The following STAT4 variants were observed in gnomAD, a reference collection of about 807,000 sequenced individuals.
STAT4 encodes the protein signal transducer and activator of transcription 4.
STAT4 carries 42 observed loss-of-function variants against 110.5 expected under a neutral mutation model. That is an observed-to-expected ratio of 0.38 (90% CI 0.30 to 0.49). STAT4 has a LOEUF of 0.49. Among genes scored for constraint, STAT4 ranks in the 20% least tolerant of loss-of-function variants. The probability of loss-of-function intolerance (pLI) is 0.95; values close to 1 mark genes in which losing one functional copy is unlikely to be tolerated. For missense variants in STAT4, 632 were observed against 887.9 expected (o/e 0.71, Z 3.66); for synonymous variants, 284 against 302.2 (o/e 0.94, Z 0.63).
At chr2:191,097,425 T>C (rs1698022775) in intron 3 of STAT4, among the ~76,000 whole-genome samples, 1 of 152,042 alleles carries the variant, frequency 6.6e-6, no homozygotes, top group Non-Finnish European at 1.5e-5. Context: ...AACAGAGATA[T>C]AGACCAATGG....
At position 191,142,723 on chromosome 2, in the gene STAT4, T is replaced by C. The variant is rs1699368270; in HGVS notation, c.273+3890A>G. On this transcript the variant is annotated intron_variant, in intron 3 of 23. Coordinates refer to ENST00000392320, the MANE Select transcript of STAT4 (RefSeq NM_003151.4). This position sits in a 1 kb window ranked among gnomAD's most constrained non-coding sequence, Gnocchi z 4.1. ...TAAAATATTTCATGTACCCCATAAA[T>C]ATGTAAAGTATTGTATATCAATAAA... is the stretch of plus-strand genomic sequence containing the variant. Among the ~76,000 whole-genome samples the C allele has an allele frequency of 6.6e-6, 1 of 152,120 alleles. No individual in the cohort carries two copies. Among genetic ancestry groups the C allele is most frequent in the Non-Finnish European group, 1.5e-5 (1 of 68,012 alleles).
At position 191,035,473 on chromosome 2, in the gene STAT4, G is replaced by C. The variant is rs535468473; in HGVS notation, c.1570+691C>G. On this transcript the variant is annotated intron_variant, in intron 17 of 23. Transcript: ENST00000392320. The surrounding 1 kb of genome is among the most constrained non-coding windows in gnomAD (Gnocchi z 4.7). ...CTTTGGCCCTAATTTAACTAGAAAC[G>C]CATATAGATCTAATTTTAACTCTTT... Among the ~76,000 whole-genome samples, 1 of 152,138 alleles carries C rather than the reference G, an allele frequency of 6.6e-6. No homozygotes were observed. Among genetic ancestry groups the C allele is most frequent in the Non-Finnish European group, 1.5e-5 (1 of 68,032 alleles).
intron 17 of STAT4, among the ~76,000 whole-genome samples, 193 bp from the exon 18 acceptor site, chr2:191,034,790 A>G (rs1193292167): frequency 6.6e-6 from 1 of 152,240 alleles, no homozygotes; most frequent in Non-Finnish European, 1.5e-5. Context: ...TATTATCTAG[A>G]AAATAAGCTT....
At chr2:191,063,123 AAATGTTTTC>A (rs1240276780) in intron 8 of STAT4, among the ~76,000 whole-genome samples, 8 of 152,242 alleles carry the variant, frequency 5.3e-5, no homozygotes, top group African/African-American at 1.9e-4. Flanking sequence ...TGCATATGTT[AAATGTTTTC>A]AATGTTTTCT....
Position 191,066,473 on chromosome 2 carries a change from A to G in STAT4, c.587T>C (p.Leu196Ser), listed in dbSNP as rs1315817328. ...KNSAMVNQEV[L>S]TLQEMLNSLD... is the part of the protein sequence containing the mutation. ...GCTGTTAAGCATTTCCTGCAGTGTC[A>G]AAACTTCCTGATTCACCATGGCACT... Residue 196 changes from leucine (L) to serine (S), a missense_variant, in exon 7 of 24, where the codon TTG becomes TCG. Leu to Ser is a moderately radical substitution (Grantham distance 145). Coordinates refer to ENST00000392320, the MANE Select transcript of STAT4 (RefSeq NM_003151.4). The surrounding 1 kb of genome is among the most constrained non-coding windows in gnomAD (Gnocchi z 4.3). 1.2e-6 allele frequency: 2 copies of G among 1,613,516 alleles called. No homozygotes were observed. The highest frequency in any genetic ancestry group is 1.1e-5 in the South Asian group (1 of 91,072).
chr2:191,149,508 T>A (rs547170129), intron 1 of STAT4, among the ~76,000 whole-genome samples: 1 of 152,234 alleles, frequency 6.6e-6, no homozygotes, highest in Non-Finnish European at 1.5e-5. Flanking sequence ...AAATGAAGAA[T>A]GAGTGGCACT....
chr2:191,099,368 T>A lies in STAT4; in HGVS notation c.274-23043A>T, dbSNP rs1183128451. On this transcript the variant is annotated intron_variant, in intron 3 of 23. Transcript: ENST00000392320. The surrounding 1 kb of genome is among the most constrained non-coding windows in gnomAD (Gnocchi z 4.1). ...AGTCCATATCTAGGAATCCATCCAA[T>A]AAAAATAAAAGCACTGGCCCATAAT... Among the ~76,000 whole-genome samples, 1 of 152,050 alleles carries A rather than the reference T, an allele frequency of 6.6e-6. No homozygotes were observed. Among genetic ancestry groups the A allele is most frequent in the Non-Finnish European group, 1.5e-5 (1 of 67,972 alleles).
chr2:191,112,896 T>C lies in STAT4; in HGVS notation c.273+33717A>G, dbSNP rs1698462645. On this transcript the variant is annotated intron_variant, in intron 3 of 23. Transcript: ENST00000392320. This position sits in a 1 kb window ranked among gnomAD's most constrained non-coding sequence, Gnocchi z 4.3. Reference sequence around the variant, plus strand: ...ATTAAACATACAACGTTCAGTCCTATAATAGAGCAAATATATTAAGAAAAA... The same window carrying C: ...ATTAAACATACAACGTTCAGTCCTACAATAGAGCAAATATATTAAGAAAAA... Among the ~76,000 whole-genome samples, 1 of 152,242 alleles carries C rather than the reference T, an allele frequency of 6.6e-6. No homozygotes were observed. The highest frequency in any genetic ancestry group is 1.5e-5 in the Non-Finnish European group (1 of 68,046).
intron 16 of STAT4, among the ~76,000 whole-genome samples, chr2:191,038,032 G>A (rs3821236): frequency 0.25 from 37,789 of 152,056 alleles, 5,224 homozygotes; most frequent in East Asian, 0.44. Flanking sequence ...GACGACTTTG[G>A]TGCCTTTCTT....
At chr2:191,072,083 A>G (rs1697175981) in intron 5 of STAT4, among the ~76,000 whole-genome samples, 1 of 152,096 alleles carries the variant, frequency 6.6e-6, no homozygotes, top group African/African-American at 2.4e-5. Context: ...TACTCAAAAC[A>G]GTTGGGGATC....
At chr2:191,120,545 G>A (rs1233849042) in intron 3 of STAT4, among the ~76,000 whole-genome samples, 1 of 152,104 alleles carries the variant, frequency 6.6e-6, no homozygotes, top group Non-Finnish European at 1.5e-5. Flanking sequence ...AGGAATTCAA[G>A]AGGTACTTTA....
At position 191,130,751 on chromosome 2, in the gene STAT4, T is replaced by G. The variant is rs529065003; in HGVS notation, c.273+15862A>C. 8.1e-4 allele frequency among the ~76,000 whole-genome samples: 123 copies of G among 151,734 alleles called. 6 individuals carry two copies. Among genetic ancestry groups the G allele is most frequent in the Non-Finnish European group, 5.4e-4 (37 of 68,022 alleles). ...TGATTTCTTTTAATTTGTGGTGAGCTTATCTGTGCATTTAAAAGCCTGTTA... is the reference window on the plus strand; with the variant it reads ...TGATTTCTTTTAATTTGTGGTGAGCGTATCTGTGCATTTAAAAGCCTGTTA... On this transcript the variant is annotated intron_variant, in intron 3 of 23. Transcript: ENST00000392320.
rs1697097207 is a variant in STAT4 at position 191,070,015 on chromosome 2, T to C, written c.466-244A>G. Among the ~76,000 whole-genome samples, 3 of 152,230 alleles carry C rather than the reference T, an allele frequency of 2.0e-5. No homozygotes were observed. The South Asian group carries it at 6.2e-4, about 31-fold the overall frequency. ...ACTTGCCTGGAAGTCTTTCAGCATC[T>C]ACCTGCTCATTTCTTAATTACTTCC... On this transcript the variant is annotated intron_variant, in intron 5 of 23. Coordinates refer to ENST00000392320, the MANE Select transcript of STAT4 (RefSeq NM_003151.4).
chr2:191,093,455 G>A (rs548255073), intron 3 of STAT4, among the ~76,000 whole-genome samples: 5 of 152,248 alleles, frequency 3.3e-5, no homozygotes, highest in Admixed American at 6.5e-5. Flanking sequence ...AGGGTCTGGA[G>A]TGGACCTCCA....
chr2:191,084,927 T>C (rs1697593914), intron 3 of STAT4, among the ~76,000 whole-genome samples: 1 of 152,082 alleles, frequency 6.6e-6, no homozygotes, highest in East Asian at 1.9e-4. Flanking sequence ...TCATAAGGTT[T>C]TATTAAAAAT....
chr2:191,109,278 TTTTTGTTTTTTTGTTTTG>T (rs1340441620), intron 3 of STAT4, among the ~76,000 whole-genome samples: 1 of 151,876 alleles, frequency 6.6e-6, no homozygotes, highest in African/African-American at 2.4e-5. Context: ...AATGACAGGT[TTTTTGTTTTTTTGTTTTG>T]TTTTGTTTTT....
Position 191,147,808 on chromosome 2 carries a change from G to A in STAT4, c.128+268C>T, listed in dbSNP as rs924828167. Among the ~76,000 whole-genome samples, 2 of 152,072 alleles carry A rather than the reference G, an allele frequency of 1.3e-5. No homozygotes were observed. Among genetic ancestry groups the A allele is most frequent in the Admixed American group, 1.3e-4 (2 of 15,264 alleles). ...TAGAGAACTGACAATCAATTGATTT[G>A]CTTCTTTTTTTAATACATGAAAAAT... is the stretch of plus-strand genomic sequence containing the variant. On this transcript the variant is annotated intron_variant, in intron 2 of 23. Coordinates refer to ENST00000392320, the MANE Select transcript of STAT4 (RefSeq NM_003151.4). The surrounding 1 kb of genome is among the most constrained non-coding windows in gnomAD (Gnocchi z 4.1).
rs66911790 is a variant in STAT4 at position 191,039,944 on chromosome 2, G to C, written c.1336-647C>G. 0.067 allele frequency among the ~76,000 whole-genome samples: 10,129 copies of C among 152,290 alleles called. 465 individuals are homozygous for C. Among genetic ancestry groups the C allele is most frequent in the Middle Eastern group, 0.13 (37 of 294 alleles). On this transcript the variant is annotated intron_variant, in intron 15 of 23. Coordinates refer to ENST00000392320, the MANE Select transcript of STAT4 (RefSeq NM_003151.4). This position sits in a 1 kb window ranked among gnomAD's most constrained non-coding sequence, Gnocchi z 4.7. Reference sequence around the variant, plus strand: ...TCCCAATAACAGACATCAGATTCCTGTAGATGGTAAAATACCCATTTGAGG... The same window carrying C: ...TCCCAATAACAGACATCAGATTCCTCTAGATGGTAAAATACCCATTTGAGG...
chr2:191,108,301 A>C (rs940248816), intron 3 of STAT4, among the ~76,000 whole-genome samples: 1 of 152,150 alleles, frequency 6.6e-6, no homozygotes, highest in Non-Finnish European at 1.5e-5. Flanking sequence ...AAAAAAAAAA[A>C]AAAGACGTTA....
Sources: allele counts gnomAD v4.1 joint callset (sites outside exome capture counted in the v4.1 genomes callset), GRCh38; gene constraint gnomAD v4.1.1; non-coding constraint Gnocchi (gnomAD v3.1); transcripts MANE v1.5; gene names NCBI Gene and HGNC (gene_info 2026-07-23, HGNC 2026-07-21).